The following GPC6 variants were observed in gnomAD, a reference collection of about 807,000 sequenced individuals.
GPC6 encodes glypican-6.
GPC6 carries 14 observed loss-of-function variants against 55.2 expected under a neutral mutation model. That is an observed-to-expected ratio of 0.25 (90% CI 0.17 to 0.40). The LOEUF (loss-of-function observed/expected upper bound fraction) is 0.40. Among genes scored for constraint, GPC6 ranks in the 10% least tolerant of loss-of-function variants. GPC6 has a pLI of 1.00. For missense variants in GPC6, 641 were observed against 708.5 expected, an observed-to-expected ratio of 0.90 and a Z score of 1.08; for synonymous variants, 278 against 259.6, an observed-to-expected ratio of 1.07 and a Z score of -0.68.
At chr13:94,153,970 TAA>T (rs1487595123) in intron 4 of GPC6, among the ~76,000 whole-genome samples, 1 of 152,156 alleles carries the variant, frequency 6.6e-6, no homozygotes, top group African/African-American at 2.4e-5. Flanking sequence ...AAATACTATA[TAA>T]GACTTCATAA....
intron 2 of GPC6, among the ~76,000 whole-genome samples, chr13:93,661,775 G>C (rs1159644924): frequency 6.6e-6 from 1 of 152,118 alleles, no homozygotes; most frequent in East Asian, 1.9e-4. Context: ...ATGAGGCAGG[G>C]GTTGCCAATC....
chr13:93,513,353 C>G (rs908701356), intron 1 of GPC6, among the ~76,000 whole-genome samples: 1 of 152,148 alleles, frequency 6.6e-6, no homozygotes, highest in African/African-American at 2.4e-5. Context: ...TCATTTTCTG[C>G]CTTCTTTCAA....
upstream of GPC6, among the ~76,000 whole-genome samples, chr13:93,225,384 T>C (rs1875735982): frequency 6.6e-6 from 1 of 152,240 alleles, no homozygotes; most frequent in Non-Finnish European, 1.5e-5. Context: ...TGATTTAAGA[T>C]CTGCCAGTTA....
At chr13:93,251,601 A>C (rs577898551) in intron 1 of GPC6, among the ~76,000 whole-genome samples, 1 of 152,288 alleles carries the variant, frequency 6.6e-6, no homozygotes, top group East Asian at 1.9e-4. Flanking sequence ...ATGCTTGCAA[A>C]TTGGTTAAAG....
chr13:93,732,421 A>G (rs1231771526), intron 2 of GPC6, among the ~76,000 whole-genome samples: 2 of 152,158 alleles, frequency 1.3e-5, no homozygotes, highest in African/African-American at 4.8e-5. Context: ...AAGACAAGCA[A>G]TGAGACCCCT....
Position 93,788,026 on chromosome 13 carries a change from A to G in GPC6, c.320-42128A>G, listed in dbSNP as rs907060802. 2.4e-4 allele frequency among the ~76,000 whole-genome samples: 37 copies of G among 152,238 alleles called. 1 individual carries two copies. The highest frequency in any genetic ancestry group is 3.9e-4 in the Admixed American group (6 of 15,278). ...TAGGTTATAGATTGATAGATTACTC[A>G]TTCTAGTAAGTAACAATGGAGTGTA... is the stretch of plus-strand genomic sequence containing the variant. On this transcript the variant is annotated intron_variant, in intron 2 of 8. Transcript: ENST00000377047.
chr13:93,672,114 A>AT lies in GPC6; in HGVS notation c.319+126698dup, dbSNP rs1447752623. Among the ~76,000 whole-genome samples the AT allele has an allele frequency of 2.7e-5, 4 of 145,948 alleles. No individual in the cohort carries two copies. In the East Asian group the frequency reaches 6.0e-4, roughly 22 times the overall value. ...AACGTAGAAAAAAGGGTCCAAGACT[A>AT]TTTTTGCATTTATATGATAGAATTA... On this transcript the variant is annotated intron_variant, in intron 2 of 8. Coordinates refer to ENST00000377047, the MANE Select transcript of GPC6 (RefSeq NM_005708.5).
intron 1 of GPC6, among the ~76,000 whole-genome samples, chr13:93,330,230 G>C (rs1478810372): frequency 7.2e-5 from 11 of 152,264 alleles, no homozygotes. Context: ...TAGTGATCAT[G>C]AAAAATGCTC....
chr13:94,230,395 A>T (rs1890687257), intron 4 of GPC6, among the ~76,000 whole-genome samples: 1 of 151,974 alleles, frequency 6.6e-6, no homozygotes, highest in Admixed American at 6.6e-5. Context: ...AGAAGAACAG[A>T]TCTAACTGGG....
chr13:94,121,194 G>A (rs975488629), intron 4 of GPC6, among the ~76,000 whole-genome samples: 2 of 152,002 alleles, frequency 1.3e-5, no homozygotes, highest in Admixed American at 1.3e-4. Context: ...TGTGCTGTTG[G>A]GGTACCATAC....
At chr13:93,676,117 AAAAAAAAAAATATATATATATATAT>A (rs1404764092) in intron 2 of GPC6, among the ~76,000 whole-genome samples, 6 of 16,894 alleles carry the variant, frequency 3.6e-4, no homozygotes, top group African/African-American at 8.1e-4. Context: ...AAAAAAAAAA[AAAAAAAAAAATATATATATATATAT>A]ATATATATAT....
chr13:94,240,252 A>G (rs1891013919), intron 4 of GPC6, among the ~76,000 whole-genome samples: 1 of 152,110 alleles, frequency 6.6e-6, no homozygotes, highest in South Asian at 2.1e-4. Context: ...GCCATAGGCA[A>G]CCGCCCTGGG....
intron 1 of GPC6, among the ~76,000 whole-genome samples, chr13:93,288,977 T>C (rs941611538): frequency 7.2e-5 from 11 of 152,288 alleles, no homozygotes; most frequent in African/African-American, 2.2e-4. Flanking sequence ...GTTATGACAA[T>C]GAGAGCAGTG....
chr13:94,193,083 G>A (rs1889452065), intron 4 of GPC6, among the ~76,000 whole-genome samples: 1 of 140,460 alleles, frequency 7.1e-6, no homozygotes, highest in Admixed American at 7.2e-5. Context: ...GTGTGTGTGT[G>A]TGTGTGTGTG....
intron 1 of GPC6, among the ~76,000 whole-genome samples, chr13:93,410,930 A>G (rs1207249896): frequency 6.6e-6 from 1 of 152,176 alleles, no homozygotes; most frequent in African/African-American, 2.4e-5. Flanking sequence ...TCAGCTATGG[A>G]AATTTTATCC....
intron 1 of GPC6, among the ~76,000 whole-genome samples, chr13:93,286,453 A>G (rs11839514): frequency 0.37 from 56,779 of 151,986 alleles, 10,736 homozygotes; most frequent in East Asian, 0.45. Context: ...AACAAAGCTC[A>G]GAGGATATGG....
At chr13:93,740,400 T>C (rs1376394098) in intron 2 of GPC6, among the ~76,000 whole-genome samples, 1 of 152,180 alleles carries the variant, frequency 6.6e-6, no homozygotes, top group Admixed American at 6.5e-5. Flanking sequence ...TGGACAAGTG[T>C]TTTCTTAAAG....
At chr13:93,650,461 C>T (rs1238153398) in intron 2 of GPC6, among the ~76,000 whole-genome samples, 1 of 149,062 alleles carries the variant, frequency 6.7e-6, no homozygotes, top group South Asian at 2.1e-4. Context: ...ATCATGCTCC[C>T]CAAAGGAATG....
chr13:93,341,731 T>G (rs1880262389), intron 1 of GPC6, among the ~76,000 whole-genome samples: 1 of 151,672 alleles, frequency 6.6e-6, no homozygotes, highest in Admixed American at 6.6e-5. Context: ...GAGCAGACGC[T>G]TTTTAGTTTA....
Sources: gnomAD v4.1 joint callset for allele counts (sites outside exome capture counted in the v4.1 genomes callset) on GRCh38, gnomAD v4.1.1 for gene constraint, MANE v1.5 for transcripts, NCBI Gene and HGNC (gene_info 2026-07-23, HGNC 2026-07-21) for gene names.